Variants in PSD3 observed in about 807,000 individuals in gnomAD.
The protein encoded by PSD3 is pleckstrin and Sec7 domain containing 3, also known as PH and SEC7 domain-containing protein 3.
A neutral mutation model predicts 105.5 loss-of-function variants in PSD3; 49 were observed. The observed-to-expected ratio is 0.46, with a 90% CI of 0.37 to 0.59. PSD3 has a LOEUF of 0.59. Ranked by LOEUF, PSD3 falls within the 20% of genes least tolerant of loss-of-function variation. The pLI is 0.00. For synonymous variants in PSD3, 557 were observed against 457.8 expected (o/e 1.22, Z -2.77); for missense variants, 1,561 against 1,263.8 (o/e 1.24, Z -3.57).
chr8:18,586,000 G>T (rs920562018), intron 12 of PSD3, among the ~76,000 whole-genome samples: 2 of 152,006 alleles, frequency 1.3e-5, no homozygotes, highest in African/African-American at 4.8e-5. Context: ...TTCCTAGGGG[G>T]ATCTGAGGAA....
At position 18,866,412 on chromosome 8, in the gene PSD3, G is replaced by C. The variant is rs55667118; in HGVS notation, c.1634+1262C>G. 7.6e-3 allele frequency among the ~76,000 whole-genome samples: 1,151 copies of C among 152,272 alleles called. 6 individuals are homozygous for C. Among genetic ancestry groups the C allele is most frequent in the Non-Finnish European group, 0.012 (783 of 68,024 alleles). On this transcript the variant is annotated intron_variant, in intron 4 of 15. Transcript: ENST00000327040. ...CTCTGCTTTGTACCATGTCCTGTGC[G>C]AGGTGCTTTAGTCTCTATTAACCCT...
At chr8:18,611,047 T>A (rs960587840) in intron 11 of PSD3, among the ~76,000 whole-genome samples, 2 of 152,140 alleles carry the variant, frequency 1.3e-5, no homozygotes, top group Admixed American at 1.3e-4. Flanking sequence ...ATAATTTACA[T>A]ATACAGGCAG....
intron 9 of PSD3, among the ~76,000 whole-genome samples, chr8:18,720,179 A>C (rs1802865375): frequency 6.6e-6 from 1 of 152,134 alleles, no homozygotes; most frequent in African/African-American, 2.4e-5. Flanking sequence ...TGGAAAACAA[A>C]AACAAAAAAA....
intron 1 of PSD3, among the ~76,000 whole-genome samples, chr8:18,960,752 T>G (rs1167919618): frequency 6.6e-6 from 1 of 152,076 alleles, no homozygotes; most frequent in Non-Finnish European, 1.5e-5. Flanking sequence ...AAAACAGCAA[T>G]TTATTTATTT....
At chr8:18,638,572 A>G (rs1807435160) in intron 10 of PSD3, among the ~76,000 whole-genome samples, 1 of 152,128 alleles carries the variant, frequency 6.6e-6, no homozygotes. Context: ...GTAGGAATAA[A>G]TTTAAGCAAG....
At position 18,872,627 on chromosome 8, in the gene PSD3, A is replaced by G; in HGVS notation, c.237T>C (p.Phe79=). 1.9e-6 allele frequency: 3 copies of G among 1,614,006 alleles called. 1 individual carries two copies. The Middle Eastern group carries it at 5.0e-4, about 266-fold the overall frequency. ...GGTGGCATGGCAGAGCCTCACCATC[A>G]AATTCCAGAGAAGCCCTTAGGCCTT... ...GGEGLRASLE[F]DGEALPCHPQ... Residue 79 remains phenylalanine (F), a synonymous_variant, in exon 3 of 16, where the codon TTT becomes TTC. Transcript: ENST00000327040.
chr8:18,745,097 T>C (rs975241370), intron 9 of PSD3, among the ~76,000 whole-genome samples: 1 of 152,214 alleles, frequency 6.6e-6, no homozygotes, highest in East Asian at 1.9e-4. Context: ...ACTGGTGATG[T>C]TAATCTTGAT....
chr8:18,591,866 AG>A lies in PSD3; in HGVS notation c.2481+8497del, dbSNP rs143370871. The stretch of plus-strand genomic sequence containing the variant: ...TTGCAGTGTTGCAGACAGACATCAA[AG>A]GGTGCAAGGATTATGGGCTCCTGAA... On this transcript the variant is annotated intron_variant, in intron 12 of 15. Coordinates refer to ENST00000327040, the MANE Select transcript of PSD3 (RefSeq NM_015310.4). Among the ~76,000 whole-genome samples the A allele has an allele frequency of 3.5e-3, 534 of 152,258 alleles. 5 individuals are homozygous for A. The highest frequency in any genetic ancestry group is 0.012 in the African/African-American group (503 of 41,566).
At chr8:18,987,437 GC>G (rs1484269449) in intron 1 of PSD3, among the ~76,000 whole-genome samples, 2 of 151,934 alleles carry the variant, frequency 1.3e-5, no homozygotes, top group Non-Finnish European at 2.9e-5. Context: ...ACAGGCACCC[GC>G]CACCACGCCT....
intron 2 of PSD3, among the ~76,000 whole-genome samples, chr8:18,883,157 G>A (rs1005087698): frequency 1.3e-5 from 2 of 152,036 alleles, no homozygotes; most frequent in African/African-American, 2.4e-5. Flanking sequence ...TTGTATACAC[G>A]TTACAGGATG....
chr8:18,881,534 A>C (rs1395132803), intron 2 of PSD3, among the ~76,000 whole-genome samples: 1 of 152,210 alleles, frequency 6.6e-6, no homozygotes, highest in African/African-American at 2.4e-5. Flanking sequence ...CATCTACCGT[A>C]GACTCGGTCA....
intron 2 of PSD3, among the ~76,000 whole-genome samples, chr8:18,895,991 T>C (rs1819125012): frequency 6.6e-6 from 1 of 152,246 alleles, no homozygotes; most frequent in Admixed American, 6.5e-5. Context: ...TCCCTGCCTC[T>C]AGTAACCACT....
intron 11 of PSD3, among the ~76,000 whole-genome samples, chr8:18,616,809 G>C (rs1023037288): frequency 5.3e-5 from 8 of 151,186 alleles, no homozygotes; most frequent in Non-Finnish European, 7.4e-5. Context: ...ATTTTTAGTA[G>C]AGACGGGGTT....
chr8:18,852,375 C>A (rs1469935818), intron 4 of PSD3, among the ~76,000 whole-genome samples: 1 of 152,104 alleles, frequency 6.6e-6, no homozygotes, highest in African/African-American at 2.4e-5. Flanking sequence ...ACAGACAAGT[C>A]CTAAAAAAGC....
chr8:18,767,783 C>G (rs567141938), intron 8 of PSD3, among the ~76,000 whole-genome samples: 2 of 151,910 alleles, frequency 1.3e-5, no homozygotes, highest in Non-Finnish European at 2.9e-5. Flanking sequence ...AAAAAACCAA[C>G]CAACCAAATA....
intron 1 of PSD3, among the ~76,000 whole-genome samples, chr8:19,051,144 T>C (rs915625990): frequency 3.9e-5 from 6 of 152,190 alleles, no homozygotes; most frequent in Non-Finnish European, 8.8e-5. Context: ...AGCATCTCCA[T>C]GGCTCTTAGA....
rs146661133 is a variant in PSD3, at chr8:19,068,168, A to G, written c.324+16038T>C. On this transcript the variant is annotated intron_variant, in intron 1 of 1. Coordinates refer to the PSD3 transcript ENST00000521475. ...GCCAGAGTCCCCAGGACACATGAGA[A>G]GAGGATACAGCCCCTTGAGATCCTT... Among the ~76,000 whole-genome samples the G allele has an allele frequency of 4.9e-3, 753 of 152,256 alleles. 1 individual carries two copies. The highest frequency in any genetic ancestry group is 7.2e-3 in the Non-Finnish European group (493 of 68,010).
In PSD3 at chr8:18,535,649, C is replaced by CTT. The variant is rs5889802; in HGVS notation, c.*92_*93dup. The CTT allele has an allele frequency of 0.013, 11,208 of 846,620 alleles. 2 individuals are homozygous for CTT. The highest frequency in any genetic ancestry group is 0.016 in the Non-Finnish European group (9,126 of 558,420). The allele number at this position is 846,620 out of a possible 1,614,324, so 52.4% of individuals were successfully genotyped here. A position where few individuals can be genotyped will look rare whatever the true frequency, so the allele number is the denominator to read the frequency against. On this transcript the variant is annotated 3_prime_UTR_variant, in exon 16 of 16. Transcript: ENST00000327040. ...TACTAATGCACCGTTTTGTCACAGA[C>CTT]TTTTTTTTTTTAAATATATTCACGG...
intron 1 of PSD3, among the ~76,000 whole-genome samples, chr8:18,992,504 T>C (rs1473245107): frequency 1.3e-5 from 2 of 152,136 alleles, no homozygotes; most frequent in Non-Finnish European, 2.9e-5. Context: ...GATGCACAAG[T>C]TTCCAGGGAA....
Sources: allele counts gnomAD v4.1 joint callset (sites outside exome capture counted in the v4.1 genomes callset), GRCh38; gene constraint gnomAD v4.1.1; transcripts MANE v1.5; gene names NCBI Gene and HGNC (gene_info 2026-07-23, HGNC 2026-07-21).